FAN1: variants seen among roughly 807,000 people sequenced by gnomAD.
FAN1 encodes FANCD2 and FANCI associated nuclease 1.
In FAN1, 91 loss-of-function variants were observed where a neutral mutation model predicts 104.9. The observed-to-expected ratio is 0.87, with a 90% CI of 0.73 to 1.03. FAN1 has a LOEUF of 1.03. Ranked by LOEUF, FAN1 falls within the 50% of genes least tolerant of loss-of-function variation. The pLI is 0.00. For synonymous variants in FAN1, 478 were observed against 457.6 expected (o/e 1.04, Z -0.57); for missense variants, 1,263 against 1,239.9 (o/e 1.02, Z -0.28).
chr15:30,913,985 G>A lies in FAN1; in HGVS notation c.1705G>A (p.Gly569Arg), dbSNP rs1001119866. 6.2e-7 allele frequency: 1 copy of A among 1,614,112 alleles called. No individual in the cohort carries two copies. Among genetic ancestry groups the A allele is most frequent in the Non-Finnish European group, 8.5e-7 (1 of 1,179,994 alleles). Residue 569 changes from glycine (G) to arginine (R), a missense_variant, in exon 5 of 15, where the codon GGA (glycine) becomes AGA (arginine). By Grantham distance (125) the Gly-to-Arg change is moderately radical (BLOSUM62 -2). Around this residue, in one of 2 missense-constraint regions of FAN1, gnomAD observed 581 missense variants for 668.8 expected, o/e 0.87. Coordinates refer to ENST00000362065, the MANE Select transcript of FAN1 (RefSeq NM_014967.5). ...TGAAGACGCCGCTTGTGGAGGTCAG[G>A]GACAGCTTTCAACAGTCCTGTTGGT... ...EDEDAACGGQ[G>R]QLSTVLLVNL...
Position 30,941,703 on chromosome 15 carries a change from T to C in FAN1, c.*141T>C, listed in dbSNP as rs761904524. The stretch of plus-strand genomic sequence containing the variant: ...CCATAGCAGGCCTCCAGGGGGCCAC[T>C]GCGCTGTTGCCGCAGCATCCTGCTC... On this transcript the variant is annotated 3_prime_UTR_variant, in exon 15 of 15. Coordinates refer to ENST00000362065, the MANE Select transcript of FAN1 (RefSeq NM_014967.5). 3.7e-6 allele frequency: 6 copies of C among 1,613,912 alleles called. No individual in the cohort carries two copies. The highest frequency in any genetic ancestry group is 5.1e-6 in the Non-Finnish European group (6 of 1,179,838).
intron 8 of FAN1, 128 bp from the exon 9 acceptor site, chr15:30,924,999 G>A (rs1319340043): frequency 2.7e-5 from 24 of 901,560 alleles, no homozygotes; most frequent in Non-Finnish European, 3.7e-5. Context: ...ATCTCTAGAA[G>A]TGCTGTTTGC....
rs186701091 is a variant in FAN1, at chr15:30,920,669, C to T, written c.2052+16C>T. On this transcript the variant is annotated intron_variant, in intron 7 of 14. Transcript: ENST00000362065. The stretch of plus-strand genomic sequence containing the variant: ...CATGTATGAGGTTAGAGCACAGGTC[C>T]CTGCCCCCCACCATTACTGATGTGA... 2 of 1,454,868 alleles carry T rather than the reference C, an allele frequency of 1.4e-6. No individual in the cohort carries two copies. The highest frequency in any genetic ancestry group is 1.9e-6 in the Non-Finnish European group (2 of 1,045,376). 90.1% of individuals were successfully genotyped at this position (1,454,868 alleles called of 1,614,324 possible).
chr15:30,925,649 G>A (rs1281479533), intron 9 of FAN1, 140 bp from the exon 10 acceptor site: 26 of 968,152 alleles, frequency 2.7e-5, no homozygotes, highest in Middle Eastern at 3.1e-4. Flanking sequence ...GCAGTTCTGC[G>A]TGTGTGAGCC....
At position 30,942,822 on chromosome 15, in the gene FAN1, C is replaced by T. The variant is rs773548550; in HGVS notation, c.*1260C>T. 1.7e-4 allele frequency: 252 copies of T among 1,441,710 alleles called. No individual in the cohort carries two copies. Among genetic ancestry groups the T allele is most frequent in the Non-Finnish European group, 6.7e-5 (72 of 1,071,126 alleles). The allele number at this position is 1,441,710 out of a possible 1,614,324, so 89.3% of individuals were successfully genotyped here. A position where few individuals can be genotyped will look rare whatever the true frequency, so the allele number is the denominator to read the frequency against. On this transcript the variant is annotated 3_prime_UTR_variant, in exon 15 of 15. Transcript: ENST00000362065. ...TGGAAGTGCCTTTACTTTTAACGCT[C>T]TCTGTTCTGAAAAAGAGGTGTTTGG...
intron 10 of FAN1, 65 bp from the exon 11 acceptor site, chr15:30,928,488 A>G (rs2062522777): frequency 6.3e-7 from 1 of 1,579,238 alleles, no homozygotes; most frequent in African/African-American, 1.4e-5. Context: ...GTTTTGGAAG[A>G]AACAGATAAA....
At chr15:30,936,191 TGTA>T (rs1332725383) in intron 13 of FAN1, among the ~76,000 whole-genome samples, 2 of 152,152 alleles carry the variant, frequency 1.3e-5, no homozygotes, top group Admixed American at 1.3e-4. Flanking sequence ...GAAGATGACA[TGTA>T]GTATATATTT....
intron 8 of FAN1, among the ~76,000 whole-genome samples, chr15:30,923,801 G>T (rs746254762): frequency 6.6e-6 from 1 of 152,068 alleles, no homozygotes; most frequent in Non-Finnish European, 1.5e-5. Context: ...TCAATTTCTT[G>T]GTTTTTATTT....
intron 3 of FAN1, 143 bp from the exon 4 acceptor site, chr15:30,910,471 T>C: frequency 1.8e-6 from 1 of 558,662 alleles, no homozygotes; most frequent in Non-Finnish European, 3.1e-6. Flanking sequence ...TAATACCATG[T>C]TAATAATTCC....
At position 30,941,836 on chromosome 15, in the gene FAN1, C is replaced by G. The variant is rs1207488505; in HGVS notation, c.*274C>G. On this transcript the variant is annotated 3_prime_UTR_variant, in exon 15 of 15. Coordinates refer to ENST00000362065, the MANE Select transcript of FAN1 (RefSeq NM_014967.5). ...CCCAGCGGAAGTAGCACAGTTTCCA[C>G]AGTTTTATGTGTGTTCCAGAGACAC... 1 of 1,613,938 alleles carries G rather than the reference C, an allele frequency of 6.2e-7. No homozygotes were observed. Among genetic ancestry groups the G allele is most frequent in the Non-Finnish European group, 8.5e-7 (1 of 1,179,920 alleles).
chr15:30,924,687 C>A (rs2062414896), intron 8 of FAN1, among the ~76,000 whole-genome samples: 2 of 152,158 alleles, frequency 1.3e-5, no homozygotes, highest in South Asian at 4.1e-4. Context: ...ATGAGATTGA[C>A]CTGGCGCTTT....
Position 30,935,307 on chromosome 15 carries a change from C to CA in FAN1, c.2917-1803dup, listed in dbSNP as rs1370577672. ...TGGGCAACAGAGTGAGACCTTGTCT[C>CA]AAAAAAAAAGAAAAAAAGAAAAAGA... On this transcript the variant is annotated intron_variant, in intron 13 of 14. Transcript: ENST00000362065. 5.6e-3 allele frequency among the ~76,000 whole-genome samples: 804 copies of CA among 144,112 alleles called. 5 individuals are homozygous for CA. The highest frequency in any genetic ancestry group is 0.019 in the African/African-American group (737 of 38,670). 94.5% of individuals were successfully genotyped at this position (144,112 alleles called of 152,430 possible).
intron 14 of FAN1, 147 bp downstream of exon 14, chr15:30,937,406 T>TCAA: frequency 1.4e-6 from 1 of 716,062 alleles, no homozygotes; most frequent in Non-Finnish European, 2.2e-6. Context: ...AAACAGTGTT[T>TCAA]GCTTGAATAC....
At chr15:30,921,723 G>A (rs932022180) in intron 7 of FAN1, among the ~76,000 whole-genome samples, 5 of 152,194 alleles carry the variant, frequency 3.3e-5, no homozygotes, top group African/African-American at 1.2e-4. Context: ...ATGAGCCACA[G>A]AAGATTAACA....
At chr15:30,936,079 GTATT>G (rs2062844409) in intron 13 of FAN1, among the ~76,000 whole-genome samples, 2 of 151,528 alleles carry the variant, frequency 1.3e-5, no homozygotes, top group African/African-American at 4.8e-5. Context: ...GCTAAATGCT[GTATT>G]TAAACAATTT....
rs1419112534 is a variant in FAN1 at position 30,940,585 on chromosome 15, T to C, written c.*4-981T>C. The C allele has an allele frequency of 6.1e-6, 6 of 985,422 alleles. No individual in the cohort carries two copies. In the East Asian group the frequency reaches 3.4e-4, roughly 56 times the overall value. The allele number at this position is 985,422 out of a possible 1,614,324, so 61.0% of individuals were successfully genotyped here. ...GCCTCCCAGCAAGCCTTGTTTGTTT[T>C]TGAGGGCGAGTTTTGGCATAGATGG... On this transcript the variant is annotated intron_variant, in intron 14 of 14. Coordinates refer to ENST00000362065, the MANE Select transcript of FAN1 (RefSeq NM_014967.5).
chr15:30,908,334 T>TA (rs2140904388), intron 3 of FAN1, 76 bp downstream of exon 3: 3 of 1,276,804 alleles, frequency 2.3e-6, no homozygotes, highest in Non-Finnish European at 3.2e-6. Context: ...ATGGCAGTAT[T>TA]ATTATGGTGC....
chr15:30,941,168 C>G, intron 14 of FAN1: 1 of 1,322,706 alleles, frequency 7.6e-7, no homozygotes, highest in Non-Finnish European at 9.9e-7. Context: ...TATCAGATAG[C>G]CTTCAGGAGG....
At chr15:30,927,247 C>T (rs1258417356) in intron 10 of FAN1, 4 of 985,502 alleles carry the variant, frequency 4.1e-6, no homozygotes, top group Non-Finnish European at 4.8e-6. Flanking sequence ...ATGATCTGGC[C>T]TTTATATTCC....
Sources: allele counts gnomAD v4.1 joint callset (sites outside exome capture counted in the v4.1 genomes callset), GRCh38; gene constraint gnomAD v4.1.1; regional missense constraint gnomAD v4.1.1; transcripts MANE v1.5; gene names NCBI Gene and HGNC (gene_info 2026-07-23, HGNC 2026-07-21).